The following KDM5C variants were observed in gnomAD, a reference collection of about 807,000 sequenced individuals.
The protein encoded by KDM5C is lysine demethylase 5C.
Under a neutral mutation model 110.6 loss-of-function variants are expected in KDM5C, and 16 were observed. The observed-to-expected ratio is 0.14, with a 90% CI of 0.10 to 0.22. The LOEUF is 0.22. KDM5C is among the 10% of genes least tolerant of loss of function. KDM5C has a pLI of 1.00. For missense variants in KDM5C, 681 were observed against 1,300.9 expected, an observed-to-expected ratio of 0.52 and a Z score of 7.33; for synonymous variants, 511 against 520.4, an observed-to-expected ratio of 0.98 and a Z score of 0.24.
chrX:53,210,843 A>G lies in KDM5C; in HGVS notation c.1416T>C (p.Ser472=). Residue 472 remains serine, a synonymous_variant, in exon 11 of 26, where the codon AGT becomes AGC. Coordinates refer to ENST00000375401, the MANE Select transcript of KDM5C (RefSeq NM_004187.5). Reference sequence around the variant, plus strand: ...CCGGCATCACATTTAGGTTCCAACCACTGGTAGCATACTCCTGCCAGGTCA... The same window carrying G: ...CCGGCATCACATTTAGGTTCCAACCGCTGGTAGCATACTCCTGCCAGGTCA... ...LTPEEEEYAT[S]GWNLNVMPVL... is the part of the protein sequence containing the mutation. 8.3e-7 allele frequency: 1 copy of G among 1,210,788 alleles called. No individual in the cohort carries two copies. The highest frequency in any genetic ancestry group is 1.8e-5 in the South Asian group (1 of 56,965).
chrX:53,210,335 C>T, intron 12 of KDM5C, 79 bp downstream of exon 12: 1 of 1,148,974 alleles, frequency 8.7e-7, no homozygotes, highest in Non-Finnish European at 1.2e-6. Flanking sequence ...ATACAGATGA[C>T]AACCACCGCC....
chrX:53,217,468 G>T (rs1379204802), intron 4 of KDM5C, among the ~76,000 whole-genome samples, 191 bp from the exon 5 acceptor site: 2 of 111,349 alleles, frequency 1.8e-5, no homozygotes, highest in Non-Finnish European at 3.8e-5. Context: ...ACCTTTGCTT[G>T]TATCACTCCT....
chrX:53,201,782 G>T lies in KDM5C; in HGVS notation c.1867-38C>A, dbSNP rs376874142. ...TCAAGGTTGAGTGTGGCCAAGTCTG[G>T]AGGCCATGATGCCCCAGCTTCTCTA... is the stretch of plus-strand genomic sequence containing the variant. On this transcript the variant is annotated intron_variant, in intron 13 of 25. Coordinates refer to ENST00000375401, the MANE Select transcript of KDM5C (RefSeq NM_004187.5). The T allele has an allele frequency of 6.6e-6, 8 of 1,208,795 alleles. No individual in the cohort carries two copies. The African/African-American group carries it at 1.2e-4, about 19-fold the overall frequency.
At position 53,199,222 on chromosome X, in the gene KDM5C, G is replaced by A. The variant is rs2073064936; in HGVS notation, c.2062-64C>T. 4 of 1,077,711 alleles carry A rather than the reference G, an allele frequency of 3.7e-6. No individual in the cohort carries two copies. The South Asian group carries it at 7.5e-5, about 20-fold the overall frequency. The allele number at this position is 1,077,711 out of a possible 1,213,427, so 88.8% of individuals were successfully genotyped here. On this transcript the variant is annotated intron_variant, in intron 14 of 25. Coordinates refer to ENST00000375401, the MANE Select transcript of KDM5C (RefSeq NM_004187.5). ...CCAGGTAGCAAAATCCTCCATCTCA[G>A]CCACCACCGACCCCTACTTTAGATT... is the stretch of plus-strand genomic sequence containing the variant.
intron 7 of KDM5C, 87 bp downstream of exon 7, chrX:53,215,708 A>T: frequency 9.7e-7 from 1 of 1,027,304 alleles, no homozygotes; most frequent in Non-Finnish European, 1.4e-6. Flanking sequence ...TTTTGTGGTT[A>T]ATGCGAACTG....
intron 25 of KDM5C, among the ~76,000 whole-genome samples, chrX:53,181,669 A>C (rs1934052580): frequency 1.8e-5 from 1 of 55,881 alleles, no homozygotes; most frequent in Non-Finnish European, 3.2e-5. Flanking sequence ...GAGTGAGACC[A>C]TGTCTCAAAA....
chrX:53,196,424 A>G (rs782489866), intron 19 of KDM5C, among the ~76,000 whole-genome samples: 1 of 112,516 alleles, frequency 8.9e-6, no homozygotes, highest in Non-Finnish European at 1.9e-5. Flanking sequence ...GCTTCTGGGT[A>G]TGCGCACATT....
Position 53,220,819 on chromosome X carries a change from C to T in KDM5C, c.228+20G>A, listed in dbSNP as rs782632680. Reference sequence around the variant, plus strand: ...GGTATACATTCTCCCAACCCCACCACCAGCTCCTAGTCTTCTCACCTCTAG... The same window carrying T: ...GGTATACATTCTCCCAACCCCACCATCAGCTCCTAGTCTTCTCACCTCTAG... On this transcript the variant is annotated intron_variant, in intron 2 of 25. Transcript: ENST00000375401. The T allele has an allele frequency of 8.4e-7, 1 of 1,183,505 alleles. No homozygotes were observed. Among genetic ancestry groups the T allele is most frequent in the Non-Finnish European group, 1.1e-6 (1 of 871,997 alleles).
intron 12 of KDM5C, among the ~76,000 whole-genome samples, chrX:53,206,863 C>CAAAAA (rs58880985): frequency 9.0e-5 from 2 of 22,344 alleles, no homozygotes; most frequent in African/African-American, 4.7e-4. Flanking sequence ...GATTCCTTCT[C>CAAAAA]AAAAAAAAAA....
exon 26 of KDM5C, among the ~76,000 whole-genome samples, chrX:53,176,553 T>C (rs993929320): frequency 1.6e-4 from 18 of 111,608 alleles, no homozygotes; most frequent in Non-Finnish European, 3.0e-4. Context: ...CCATGTCTCA[T>C]TGTCTGGATG....
At position 53,211,670 on chromosome X, in the gene KDM5C, G is replaced by A. The variant is rs2146920331; in HGVS notation, c.1243-15C>T. 1 of 1,211,261 alleles carries A rather than the reference G, an allele frequency of 8.3e-7. No homozygotes were observed. Among genetic ancestry groups the A allele is most frequent in the Non-Finnish European group, 1.1e-6 (1 of 895,132 alleles). On this transcript the variant is annotated splice_polypyrimidine_tract_variant and intron_variant, in intron 9 of 25. Coordinates refer to ENST00000375401, the MANE Select transcript of KDM5C (RefSeq NM_004187.5). ...GTGGGCACCATCTGGGGGAAGACAG[G>A]TAGCAGATGACTATGGCCCATCACA...
At position 53,193,707 on chromosome X, in the gene KDM5C, G is replaced by C. The variant is rs782214954; in HGVS notation, c.4117+66C>G. 34 of 1,178,954 alleles carry C rather than the reference G, an allele frequency of 2.9e-5. No homozygotes were observed. The South Asian group carries it at 5.6e-4, about 19-fold the overall frequency. On this transcript the variant is annotated intron_variant, in intron 24 of 25. Coordinates refer to ENST00000375401, the MANE Select transcript of KDM5C (RefSeq NM_004187.5). Reference sequence around the variant, plus strand: ...TTATCCCCACCACTACAACAGAGCTGAGGACTACATGGGTCACTATGGTGA... The same window carrying C: ...TTATCCCCACCACTACAACAGAGCTCAGGACTACATGGGTCACTATGGTGA...
At chrX:53,181,758 C>G (rs1382417688) in intron 25 of KDM5C, among the ~76,000 whole-genome samples, 3 of 105,091 alleles carry the variant, frequency 2.9e-5, no homozygotes, top group Non-Finnish European at 3.9e-5. Flanking sequence ...GATGATAGAT[C>G]GGGAAAAAGA....
At chrX:53,213,221 T>C (rs2073629119) in intron 8 of KDM5C, among the ~76,000 whole-genome samples, 1 of 111,575 alleles carries the variant, frequency 9.0e-6, no homozygotes, top group South Asian at 3.8e-4. Context: ...TCTGGTCCAC[T>C]GACTTATAAC....
Position 53,185,024 on chromosome X carries a change from C to A in KDM5C, c.4309-8402G>T, listed in dbSNP as rs998006524. Among the ~76,000 whole-genome samples, 3 of 112,179 alleles carry A rather than the reference C, an allele frequency of 2.7e-5. No homozygotes were observed. In the East Asian group the frequency reaches 8.3e-4, roughly 31 times the overall value. On this transcript the variant is annotated intron_variant, in intron 25 of 25. Transcript: ENST00000685641. ...TTTAGGGCAATAAGAATGTTGGAAT[C>A]GATTAGTCATATGTAACACATTCAA...
chrX:53,185,238 T>C (rs1556827762), intron 25 of KDM5C, among the ~76,000 whole-genome samples: 1 of 112,046 alleles, frequency 8.9e-6, no homozygotes, highest in Non-Finnish European at 1.9e-5. Flanking sequence ...TAATGGAATA[T>C]GAGAAGTGAT....
chrX:53,194,086 G>A, intron 23 of KDM5C, 53 bp downstream of exon 23: 1 of 1,173,747 alleles, frequency 8.5e-7, no homozygotes, highest in Admixed American at 2.5e-5. Context: ...CTAAACTGGG[G>A]TAGGGGCTAG....
At chrX:53,203,510 T>C (rs781977304) in intron 12 of KDM5C, among the ~76,000 whole-genome samples, 3 of 111,779 alleles carry the variant, frequency 2.7e-5, no homozygotes, top group African/African-American at 9.7e-5. Context: ...TTTCTACCCT[T>C]TTCCATCTTT....
At position 53,196,834 on chromosome X, in the gene KDM5C, C is replaced by T; in HGVS notation, c.2833G>A (p.Gly945Ser). 1 of 1,210,293 alleles carries T rather than the reference C, an allele frequency of 8.3e-7. No individual in the cohort carries two copies. Among genetic ancestry groups the T allele is most frequent in the Non-Finnish European group, 1.1e-6 (1 of 894,439 alleles). ...AGTCCTCGCATGACAGCCAAGGTGCCCCTTCGGGCTGAGGGGGCCAGTGTG... is the reference window on the plus strand; with the variant it reads ...AGTCCTCGCATGACAGCCAAGGTGCTCCTTCGGGCTGAGGGGGCCAGTGTG... ...KRTLAPSARR[G>S]TLAVMRGLLV... The change falls in exon 19 of 26, where the codon GGC (glycine) becomes AGC (serine). Residue 945 changes from glycine (G) to serine (S), a missense_variant. Gly to Ser is a moderately conservative substitution (Grantham distance 56). Around this residue, in one of 14 missense-constraint regions of KDM5C, gnomAD observed 123 missense variants for 169.0 expected, o/e 0.73. Transcript: ENST00000375401.
Sources: allele counts gnomAD v4.1 joint callset (sites outside exome capture counted in the v4.1 genomes callset), GRCh38; gene constraint gnomAD v4.1.1; regional missense constraint gnomAD v4.1.1; transcripts MANE v1.5; gene names NCBI Gene and HGNC (gene_info 2026-07-23, HGNC 2026-07-21).